POMGNT1: variants seen among roughly 807,000 people sequenced by gnomAD.
The protein encoded by POMGNT1 is protein O-linked mannose N-acetylglucosaminyltransferase 1 (beta 1,2-).
A neutral mutation model predicts 95.6 loss-of-function variants in POMGNT1; 67 were observed. The observed-to-expected ratio is 0.70, with a 90% confidence interval of 0.58 to 0.86. POMGNT1 has a LOEUF of 0.86. Among genes scored for constraint, POMGNT1 ranks in the 40% least tolerant of loss-of-function variants. The pLI, the probability that POMGNT1 is intolerant of heterozygous loss-of-function variation, is 0.00. For synonymous variants in POMGNT1, 298 were observed against 317.9 expected, an observed-to-expected ratio of 0.94 and a Z score of 0.66; for missense variants, 719 against 855.2, an observed-to-expected ratio of 0.84 and a Z score of 1.99.
Position 46,197,622 on chromosome 1 carries a change from AG to A in POMGNT1, c.120+79del, listed in dbSNP as rs1477091499. The stretch of plus-strand genomic sequence containing the variant: ...CCCTTTCCCACTGGGGCTGGCCAAC[AG>A]GGGTCCCAGTGCCTGATTTAGGTGG... On this transcript the variant is annotated intron_variant, in intron 2 of 21. Transcript: ENST00000371984. The A allele has an allele frequency of 6.3e-6, 10 of 1,595,606 alleles. No homozygotes were observed. The African/African-American group carries it at 6.7e-5, about 11-fold the overall frequency.
upstream of POMGNT1, among the ~76,000 whole-genome samples, chr1:46,202,696 CAAAAAAAAA>C (rs768113273): frequency 1.0e-3 from 33 of 32,258 alleles, 1 homozygote; most frequent in South Asian, 7.9e-3. Flanking sequence ...GACTCTGTCT[CAAAAAAAAA>C]AAAAAAAAAA....
chr1:46,193,705 C>T (rs1657980583), intron 10 of POMGNT1, 66 bp from the exon 11 acceptor site: 11 of 1,608,958 alleles, frequency 6.8e-6, no homozygotes, highest in South Asian at 3.3e-5. Context: ...CCTGTGTTTA[C>T]AGCTGGGCCC....
chr1:46,189,814 G>A (rs190156535), intron 20 of POMGNT1, 40 bp downstream of exon 20: 4 of 1,612,466 alleles, frequency 2.5e-6, no homozygotes, highest in Non-Finnish European at 2.5e-6. Context: ...ATGTGTGTGA[G>A]GGGGAGGGGT....
At chr1:46,205,616 T>G (rs867631328) in intron 1 of POMGNT1, among the ~76,000 whole-genome samples, 2 of 152,336 alleles carry the variant, frequency 1.3e-5, no homozygotes, top group South Asian at 4.1e-4. Context: ...CTGTAAACTT[T>G]AAGGGGCTGC....
intron 1 of POMGNT1, among the ~76,000 whole-genome samples, chr1:46,206,321 C>A (rs531240301): frequency 6.6e-6 from 1 of 152,270 alleles, no homozygotes; most frequent in East Asian, 1.9e-4. Context: ...TGTTAAGAAC[C>A]TTTATAGTAA....
chr1:46,205,180 C>A (rs754405931), intron 1 of POMGNT1, among the ~76,000 whole-genome samples: 10 of 152,032 alleles, frequency 6.6e-5, no homozygotes, highest in Non-Finnish European at 1.5e-4. Context: ...ATCACTTGAG[C>A]CCAGGAAGAG....
At chr1:46,193,776 C>T in intron 10 of POMGNT1, 79 bp downstream of exon 10, 1 of 1,601,848 alleles carries the variant, frequency 6.2e-7, no homozygotes, top group Non-Finnish European at 8.5e-7. Context: ...TTTCTGCCCA[C>T]CTCAAGAGTT....
chr1:46,205,620 G>A (rs986656594), intron 1 of POMGNT1, among the ~76,000 whole-genome samples: 15 of 152,254 alleles, frequency 9.9e-5, no homozygotes, highest in South Asian at 2.1e-4. Flanking sequence ...AAACTTTAAG[G>A]GGCTGCATTT....
chr1:46,214,046 T>C (rs1360916960), intron 1 of POMGNT1, among the ~76,000 whole-genome samples: 1 of 151,866 alleles, frequency 6.6e-6, no homozygotes, highest in African/African-American at 2.4e-5. Flanking sequence ...CCTAAATAAA[T>C]AGGAAAAAGC....
chr1:46,197,420 T>A (rs1366289807), intron 2 of POMGNT1: 2 of 1,491,614 alleles, frequency 1.3e-6, no homozygotes, highest in Non-Finnish European at 1.8e-6. Context: ...CAGACCTGGG[T>A]CCTGGCCCTA....
At chr1:46,217,037 T>G (rs1213981216) in intron 1 of POMGNT1, among the ~76,000 whole-genome samples, 1 of 152,164 alleles carries the variant, frequency 6.6e-6, no homozygotes, top group Non-Finnish European at 1.5e-5. Context: ...TTACCTCTTA[T>G]GCCAACTTTC....
upstream of POMGNT1, among the ~76,000 whole-genome samples, chr1:46,199,741 C>T (rs1017862831): frequency 1.3e-5 from 2 of 152,202 alleles, no homozygotes; most frequent in Non-Finnish European, 2.9e-5. Context: ...TGTATTCCAT[C>T]TGCTTCCTGA....
chr1:46,206,570 TTTC>T (rs1430841020), intron 1 of POMGNT1, among the ~76,000 whole-genome samples: 10 of 152,304 alleles, frequency 6.6e-5, no homozygotes, highest in African/African-American at 2.4e-4. Flanking sequence ...TATACTCTAT[TTTC>T]TTCAAGAGAT....
Position 46,194,339 on chromosome 1 carries a change from C to A in POMGNT1, c.814G>T (p.Val272Phe). ...NRRRRRFCSK[V>F]EGYGSVCSCK... ...CTGCATACACTTCCATAGCCCTCAA[C>A]TTTGCTGCAGAAGCGCCGGCGGCGA... Residue 272 changes from valine to phenylalanine, a missense_variant, in exon 9 of 22, where the codon GTT (valine) becomes TTT (phenylalanine). This residue lies in a region of POMGNT1 where 466 missense variants were observed against 517.4 expected (regional missense o/e 0.90). Transcript: ENST00000371984. 1 of 1,614,252 alleles carries A rather than the reference C, an allele frequency of 6.2e-7. No homozygotes were observed. The highest frequency in any genetic ancestry group is 8.5e-7 in the Non-Finnish European group (1 of 1,180,050).
intron 1 of POMGNT1, among the ~76,000 whole-genome samples, chr1:46,217,789 G>A (rs1432306143): frequency 1.3e-5 from 2 of 152,054 alleles, no homozygotes; most frequent in Non-Finnish European, 2.9e-5. Context: ...CCCTGGAGGC[G>A]GAGGTTGCAG....
intron 20 of POMGNT1, 118 bp from the exon 21 acceptor site, chr1:46,189,685 T>C (rs17102064): frequency 6.5e-6 from 10 of 1,545,506 alleles, no homozygotes; most frequent in Non-Finnish European, 7.9e-6. Context: ...TTGTAAGAGA[T>C]AGCATCTTTT....
rs551760677 is a variant in POMGNT1 at position 46,212,670 on chromosome 1, G to C, written c.-51+7035C>G. Among the ~76,000 whole-genome samples the C allele has an allele frequency of 2.6e-5, 4 of 152,164 alleles. No homozygotes were observed. In the East Asian group the frequency reaches 7.7e-4, roughly 29 times the overall value. On this transcript the variant is annotated intron_variant, in intron 1 of 22. Transcript: ENST00000371992. ...CAGCTCACTGTAACCTCTGCCTCCC[G>C]GGTTCAAGTGATTCTCCTGCCTGAG...
Position 46,196,823 on chromosome 1 carries a change from G to C in POMGNT1, c.262C>G (p.Pro88Ala). Residue 88 changes from proline to alanine, a missense_variant, in exon 4 of 22, where the codon CCA (proline) becomes GCA (alanine). Pro to Ala is a conservative substitution (Grantham distance 27, BLOSUM62 -1). Around this residue, in one of 5 missense-constraint regions of POMGNT1, gnomAD observed 466 missense variants for 517.4 expected, o/e 0.90. Transcript: ENST00000371984. This position sits in a 1 kb window ranked among gnomAD's most constrained non-coding sequence, Gnocchi z 4.4. ...CGGGGACCACTGCCTCTGCGCCGTG[G>C]GGGCTCCAGGCGGCCTAGGGCCTCA... ...YDEALGRLEP[P>A]RRRGSGPRRV... 1 of 1,614,202 alleles carries C rather than the reference G, an allele frequency of 6.2e-7. No homozygotes were observed. Among genetic ancestry groups the C allele is most frequent in the Non-Finnish European group, 8.5e-7 (1 of 1,180,034 alleles).
At chr1:46,195,466 C>T in intron 6 of POMGNT1, 1 of 385,820 alleles carries the variant, frequency 2.6e-6, no homozygotes, top group South Asian at 2.2e-5. Flanking sequence ...ATTCATTATC[C>T]CCTGCTTTAT....
Sources: gnomAD v4.1 joint callset for allele counts (sites outside exome capture counted in the v4.1 genomes callset) on GRCh38, gnomAD v4.1.1 for gene constraint, gnomAD v4.1.1 regional missense constraint, Gnocchi (gnomAD v3.1) non-coding constraint, MANE v1.5 for transcripts, NCBI Gene and HGNC (gene_info 2026-07-23, HGNC 2026-07-21) for gene names.